Variants in HS3ST5 observed in about 807,000 individuals in gnomAD.
HS3ST5 encodes heparan sulfate-glucosamine 3-sulfotransferase 5.
In HS3ST5, 10 loss-of-function variants were observed where a neutral mutation model predicts 25.4. The observed-to-expected ratio is 0.39, with a 90% CI of 0.24 to 0.67. The LOEUF (loss-of-function observed/expected upper bound fraction) is 0.67, where lower values mean the gene tolerates loss of function less well. HS3ST5 is among the 30% of genes least tolerant of loss of function. The probability of loss-of-function intolerance (pLI) is 0.44; values close to 1 mark genes in which losing one functional copy is unlikely to be tolerated. For synonymous variants in HS3ST5, 170 were observed against 162.4 expected (o/e 1.05, Z -0.36); for missense variants, 324 against 420.7 (o/e 0.77, Z 2.01).
intron 3 of HS3ST5, among the ~76,000 whole-genome samples, chr6:114,119,168 A>G (rs993792982): frequency 6.6e-5 from 10 of 152,184 alleles, no homozygotes; most frequent in African/African-American, 2.4e-4. Flanking sequence ...ACAAACCTAA[A>G]GGGAAAAGTA....
Position 114,057,180 on chromosome 6 carries a change from G to A in HS3ST5, c.*77C>T. The A allele has an allele frequency of 9.5e-7, 1 of 1,052,488 alleles. No homozygotes were observed. Among genetic ancestry groups the A allele is most frequent in the Non-Finnish European group, 1.4e-6 (1 of 708,058 alleles). The allele number at this position is 1,052,488 out of a possible 1,614,324, so 65.2% of individuals were successfully genotyped here. ...AAATGACTTGGATAGCTCTGCCTAG[G>A]AAAAGTGCATATTTTAATCTACAGG... is the stretch of plus-strand genomic sequence containing the variant. On this transcript the variant is annotated 3_prime_UTR_variant, in exon 5 of 5. Transcript: ENST00000312719.
At chr6:114,292,881 C>T (rs770193345) in intron 1 of HS3ST5, among the ~76,000 whole-genome samples, 2 of 151,876 alleles carry the variant, frequency 1.3e-5, no homozygotes, top group Non-Finnish European at 2.9e-5. Context: ...CTATATAAAT[C>T]GCTTTATATT....
In HS3ST5 at chr6:114,209,369, T is replaced by C. The variant is rs139075653; in HGVS notation, c.-145+19216A>G. Reference sequence around the variant, plus strand: ...AAACTTGTGTATTTTTTATACCTTCTTTTTTTAACAATGTTCCTGTGCATA... The same window carrying C: ...AAACTTGTGTATTTTTTATACCTTCCTTTTTTAACAATGTTCCTGTGCATA... On this transcript the variant is annotated intron_variant, in intron 2 of 4. Transcript: ENST00000312719. 3.8e-3 allele frequency among the ~76,000 whole-genome samples: 583 copies of C among 152,226 alleles called. 3 individuals are homozygous for C. Among genetic ancestry groups the C allele is most frequent in the Non-Finnish European group, 5.3e-3 (358 of 67,988 alleles).
intron 3 of HS3ST5, among the ~76,000 whole-genome samples, chr6:114,149,588 G>C (rs146273146): frequency 1.3e-5 from 2 of 152,220 alleles, no homozygotes; most frequent in East Asian, 3.9e-4. Flanking sequence ...TTGGCAGGTG[G>C]GGGGCAGGGG....
intron 3 of HS3ST5, among the ~76,000 whole-genome samples, chr6:114,130,884 T>A (rs117766788): frequency 3.9e-5 from 6 of 152,134 alleles, no homozygotes; most frequent in Admixed American, 2.0e-4. Context: ...ACAAAAAAAA[T>A]TTTAAAATTA....
intron 1 of HS3ST5, among the ~76,000 whole-genome samples, chr6:114,322,707 C>T (rs1776015770): frequency 6.6e-6 from 1 of 152,022 alleles, no homozygotes; most frequent in East Asian, 1.9e-4. Context: ...TCCTTTCTTG[C>T]CATCTATAAT....
In HS3ST5 at chr6:114,316,560, G is replaced by A. The variant is rs981012568; in HGVS notation, c.-339+25635C>T. On this transcript the variant is annotated intron_variant, in intron 1 of 4. Coordinates refer to ENST00000312719, the MANE Select transcript of HS3ST5 (RefSeq NM_153612.4). ...ACAGAGGAGATGATTCCAGATATAC[G>A]CAAAAGTGTTCAAGTGACAACATGA... Among the ~76,000 whole-genome samples, 14 of 152,142 alleles carry A rather than the reference G, an allele frequency of 9.2e-5. No individual in the cohort carries two copies. The South Asian group carries it at 1.2e-3, about 14-fold the overall frequency.
intron 1 of HS3ST5, among the ~76,000 whole-genome samples, chr6:114,277,221 T>C (rs1404889582): frequency 1.3e-5 from 2 of 151,792 alleles, no homozygotes; most frequent in Non-Finnish European, 2.9e-5. Context: ...GCTGTTTTTT[T>C]TTTTAATTCT....
At chr6:114,298,528 C>T (rs1582797421) in intron 1 of HS3ST5, among the ~76,000 whole-genome samples, 1 of 152,170 alleles carries the variant, frequency 6.6e-6, no homozygotes, top group African/African-American at 2.4e-5. Flanking sequence ...TTAAAACACA[C>T]ACAAAACATC....
At chr6:114,060,122 T>A (rs943127069) in intron 4 of HS3ST5, among the ~76,000 whole-genome samples, 2 of 152,282 alleles carry the variant, frequency 1.3e-5, no homozygotes, top group Middle Eastern at 3.4e-3. Context: ...CAAGAGATTC[T>A]CCTGCCTCAG....
intron 3 of HS3ST5, among the ~76,000 whole-genome samples, chr6:114,167,298 C>A (rs1301646204): frequency 2.0e-5 from 3 of 152,122 alleles, no homozygotes. Context: ...TCCAGGGACA[C>A]AGTGTTCCTG....
intron 3 of HS3ST5, among the ~76,000 whole-genome samples, chr6:114,088,265 G>A (rs1056800059): frequency 2.6e-5 from 4 of 152,094 alleles, no homozygotes; most frequent in African/African-American, 4.8e-5. Flanking sequence ...ACATCTGGCT[G>A]TAATCTCCTC....
intron 2 of HS3ST5, among the ~76,000 whole-genome samples, chr6:114,185,427 G>C (rs967557562): frequency 6.6e-6 from 1 of 152,190 alleles, no homozygotes; most frequent in African/African-American, 2.4e-5. Flanking sequence ...ACCTGACCCT[G>C]CTGGCACCCT....
chr6:114,100,675 TTCA>T (rs1775681349), intron 3 of HS3ST5, among the ~76,000 whole-genome samples: 1 of 152,190 alleles, frequency 6.6e-6, no homozygotes, highest in African/African-American at 2.4e-5. Context: ...CGACATTTTC[TTCA>T]TCACCACTTA....
intron 1 of HS3ST5, among the ~76,000 whole-genome samples, chr6:114,285,287 T>C (rs946100730): frequency 6.6e-6 from 1 of 151,974 alleles, no homozygotes. Context: ...CTGGGGCCTA[T>C]TGGAGGATGG....
chr6:114,335,035 C>G (rs1227818777), intron 1 of HS3ST5, among the ~76,000 whole-genome samples: 1 of 151,966 alleles, frequency 6.6e-6, no homozygotes, highest in Non-Finnish European at 1.5e-5. Context: ...TTTTAAGGCC[C>G]AGAAATCCAC....
At chr6:114,222,437 A>G (rs1782086105) in intron 2 of HS3ST5, among the ~76,000 whole-genome samples, 1 of 151,906 alleles carries the variant, frequency 6.6e-6, no homozygotes. Flanking sequence ...TTGAATTACA[A>G]TGTATATAGG....
At chr6:114,199,209 A>G (rs186048221) in intron 2 of HS3ST5, among the ~76,000 whole-genome samples, 1 of 152,336 alleles carries the variant, frequency 6.6e-6, no homozygotes, top group East Asian at 1.9e-4. Flanking sequence ...CCATGTACCA[A>G]AATAAACAGG....
intron 3 of HS3ST5, among the ~76,000 whole-genome samples, chr6:114,124,394 C>G (rs746478073): frequency 6.6e-6 from 1 of 152,180 alleles, no homozygotes; most frequent in Non-Finnish European, 1.5e-5. Flanking sequence ...TCTTTCATTT[C>G]TCTCAGTCTA....
Sources: allele counts gnomAD v4.1 joint callset (sites outside exome capture counted in the v4.1 genomes callset), GRCh38; gene constraint gnomAD v4.1.1; transcripts MANE v1.5; gene names NCBI Gene and HGNC (gene_info 2026-07-23, HGNC 2026-07-21).